The following HORMAD2 variants were observed in gnomAD, a reference collection of about 807,000 sequenced individuals.
HORMAD2 encodes the protein HORMA domain-containing protein 2.
Under a neutral mutation model 38.8 loss-of-function variants are expected in HORMAD2, and 45 were observed. That is an observed-to-expected ratio of 1.16 (90% CI 0.91 to 1.49). The LOEUF (loss-of-function observed/expected upper bound fraction) is 1.49, where lower values mean the gene tolerates loss of function less well. Among genes scored for constraint, HORMAD2 ranks in the 40% most tolerant of loss-of-function variants. HORMAD2 has a pLI of 0.00. For missense variants in HORMAD2, 338 were observed against 367.0 expected (o/e 0.92, Z 0.65); for synonymous variants, 126 against 122.8 (o/e 1.03, Z -0.17).
At chr22:30,123,510 A>AT (rs1319246583) in intron 10 of HORMAD2, among the ~76,000 whole-genome samples, 1 of 150,756 alleles carries the variant, frequency 6.6e-6, no homozygotes, top group Non-Finnish European at 1.5e-5. Context: ...TTATTTTTTA[A>AT]TTTTTTGTAG....
At chr22:30,181,454 C>T (rs1472800412), downstream of HORMAD2, among the ~76,000 whole-genome samples, 2 of 152,140 alleles carry the variant, frequency 1.3e-5, no homozygotes, top group Admixed American at 1.3e-4. Context: ...TCGAAACTCC[C>T]TTTCCATCAA....
At chr22:30,112,625 G>T in intron 7 of HORMAD2, 103 bp downstream of exon 7, 1 of 479,084 alleles carries the variant, frequency 2.1e-6, no homozygotes, top group South Asian at 5.2e-5. Flanking sequence ...ACTACCATAT[G>T]AGCAGAGGAA....
In HORMAD2 at chr22:30,176,342, C is replaced by T. The variant is rs1007192829; in HGVS notation, c.*175C>T. 1 of 557,320 alleles carries T rather than the reference C, an allele frequency of 1.8e-6. No homozygotes were observed. Among genetic ancestry groups the T allele is most frequent in the Non-Finnish European group, 3.2e-6 (1 of 313,910 alleles). The allele number at this position is 557,320 out of a possible 1,614,324, so 34.5% of individuals were successfully genotyped here. A position where few individuals can be genotyped will look rare whatever the true frequency, so the allele number is the denominator to read the frequency against. ...ATTACTGGCCAGGTAGGACGCGAGT[C>T]CACTTTGCCATAAGGAAAGCGGGTC... is the stretch of plus-strand genomic sequence containing the variant. On this transcript the variant is annotated 3_prime_UTR_variant, in exon 11 of 11. Coordinates refer to ENST00000336726, the MANE Select transcript of HORMAD2 (RefSeq NM_152510.4).
At chr22:30,160,321 G>A in intron 10 of HORMAD2, among the ~76,000 whole-genome samples, 1 of 151,838 alleles carries the variant, frequency 6.6e-6, no homozygotes, top group Non-Finnish European at 1.5e-5. Context: ...TCTAGATGGG[G>A]AGAATAACTG....
intron 10 of HORMAD2, among the ~76,000 whole-genome samples, chr22:30,152,361 T>C (rs1452120106): frequency 6.6e-6 from 1 of 151,968 alleles, no homozygotes; most frequent in East Asian, 1.9e-4. Flanking sequence ...CATGCCTGGC[T>C]AATGATTTTT....
intron 10 of HORMAD2, among the ~76,000 whole-genome samples, chr22:30,127,965 T>C (rs1416533989): frequency 6.6e-6 from 1 of 152,238 alleles, no homozygotes; most frequent in Admixed American, 6.5e-5. Flanking sequence ...ACTGTGCTGA[T>C]TCAGGATGTC....
the HORMAD2 span, among the ~76,000 whole-genome samples, chr22:30,199,291 C>G: frequency 0.011 from 1,616 of 152,318 alleles, 32 homozygotes; most frequent in African/African-American, 0.038. Context: ...TTTCTCCTCC[C>G]TGAGAACAGC....
chr22:30,095,668 T>C (rs1464748440), intron 2 of HORMAD2, among the ~76,000 whole-genome samples: 3 of 152,332 alleles, frequency 2.0e-5, no homozygotes, highest in Admixed American at 2.0e-4. Flanking sequence ...GTACCTAGAA[T>C]GTAGTAAGAT....
intron 10 of HORMAD2, among the ~76,000 whole-genome samples, chr22:30,163,024 C>T (rs908643680): frequency 6.6e-6 from 1 of 152,142 alleles, no homozygotes. Context: ...CTTAAAATCA[C>T]AAATGCAATA....
At chr22:30,180,558 A>T (rs999202461), downstream of HORMAD2, among the ~76,000 whole-genome samples, 1 of 152,200 alleles carries the variant, frequency 6.6e-6, no homozygotes, top group Non-Finnish European at 1.5e-5. Context: ...TCTAGATAAG[A>T]TATTTCATCT....
At chr22:30,153,884 G>T (rs1272561146) in intron 10 of HORMAD2, among the ~76,000 whole-genome samples, 1 of 151,978 alleles carries the variant, frequency 6.6e-6, no homozygotes, top group Non-Finnish European at 1.5e-5. Context: ...TTCAAATCTG[G>T]CCACTTCTCA....
the HORMAD2 span, among the ~76,000 whole-genome samples, chr22:30,201,822 T>C: frequency 6.6e-6 from 1 of 152,036 alleles, no homozygotes; most frequent in African/African-American, 2.4e-5. Flanking sequence ...TCATGAACCA[T>C]ATTTCAAGAT....
At chr22:30,165,771 TG>T (rs1189297308) in intron 10 of HORMAD2, among the ~76,000 whole-genome samples, 1 of 152,092 alleles carries the variant, frequency 6.6e-6, no homozygotes, top group African/African-American at 2.4e-5. Context: ...GTAATTGAAA[TG>T]CCACCTTTTT....
chr22:30,187,080 A>T, the HORMAD2 span, among the ~76,000 whole-genome samples: 1 of 152,232 alleles, frequency 6.6e-6, no homozygotes, highest in African/African-American at 2.4e-5. Flanking sequence ...CACATATAAT[A>T]AAATGTGAAT....
the HORMAD2 span, among the ~76,000 whole-genome samples, chr22:30,198,025 A>T: frequency 4.1e-3 from 7 of 1,698 alleles, no homozygotes; most frequent in Non-Finnish European, 6.7e-3. Flanking sequence ...AAAATATATT[A>T]AAAAAAAAAT....
At chr22:30,148,351 A>G (rs1924546626) in intron 10 of HORMAD2, among the ~76,000 whole-genome samples, 1 of 152,224 alleles carries the variant, frequency 6.6e-6, no homozygotes, top group Admixed American at 6.5e-5. Flanking sequence ...TAATGAATGG[A>G]AACAAATAAG....
intron 10 of HORMAD2, among the ~76,000 whole-genome samples, chr22:30,155,370 T>C (rs2146205753): frequency 6.6e-6 from 1 of 152,336 alleles, no homozygotes; most frequent in South Asian, 2.1e-4. Context: ...CATGGGTCTT[T>C]ATTTTATCTG....
chr22:30,194,119 C>G, the HORMAD2 span, among the ~76,000 whole-genome samples: 38 of 152,332 alleles, frequency 2.5e-4, no homozygotes, highest in East Asian at 6.6e-3. Context: ...ATTCTTTAAG[C>G]CACTGAAGTA....
rs960651677 is a variant in HORMAD2 at position 30,095,953 on chromosome 22, C to A, written c.51+1950C>A. On this transcript the variant is annotated intron_variant, in intron 2 of 10. Coordinates refer to ENST00000336726, the MANE Select transcript of HORMAD2 (RefSeq NM_152510.4). ...TGTCTTCTAGTTATTATTACCTCTCCCCACCAAGAGAAACCACCATCTTGA... is the reference window on the plus strand; with the variant it reads ...TGTCTTCTAGTTATTATTACCTCTCACCACCAAGAGAAACCACCATCTTGA... Among the ~76,000 whole-genome samples, 10 of 152,138 alleles carry A rather than the reference C, an allele frequency of 6.6e-5. No individual in the cohort carries two copies. In the East Asian group the frequency reaches 1.9e-3, roughly 29 times the overall value.
Sources: allele counts gnomAD v4.1 joint callset (sites outside exome capture counted in the v4.1 genomes callset), GRCh38; gene constraint gnomAD v4.1.1; transcripts MANE v1.5; gene names NCBI Gene and HGNC (gene_info 2026-07-23, HGNC 2026-07-21).